The following SRGAP2B variants were observed in gnomAD, a reference collection of about 807,000 sequenced individuals.
SRGAP2B encodes the protein SLIT-ROBO Rho GTPase-activating protein 2B.
SRGAP2B carries 9 observed loss-of-function variants against 22.2 expected under a neutral mutation model. The ratio of observed to expected loss-of-function variants is 0.41; its 90% CI spans 0.24 to 0.71. The LOEUF (loss-of-function observed/expected upper bound fraction) is 0.71. Among genes scored for constraint, SRGAP2B ranks in the 30% least tolerant of loss-of-function variants. The pLI is 0.35. For missense variants in SRGAP2B, 114 were observed against 235.8 expected, an observed-to-expected ratio of 0.48 and a Z score of 3.38; for synonymous variants, 36 against 87.4, an observed-to-expected ratio of 0.41 and a Z score of 3.28.
At chr1:145,058,383 G>A (rs1650630326) in intron 2 of SRGAP2B, among the ~76,000 whole-genome samples, 1 of 144,728 alleles carries the variant, frequency 6.9e-6, no homozygotes, top group Admixed American at 7.0e-5. Context: ...GCCTAGGCGT[G>A]AACAAATTCT....
intron 2 of SRGAP2B, among the ~76,000 whole-genome samples, chr1:145,044,785 G>A (rs1454845511): frequency 7.1e-6 from 1 of 140,094 alleles, no homozygotes; most frequent in East Asian, 2.4e-4. Flanking sequence ...ACTAGGATAT[G>A]AGGGGTAATA....
intron 2 of SRGAP2B, among the ~76,000 whole-genome samples, chr1:145,064,361 C>T (rs1553631992): frequency 6.7e-6 from 1 of 149,176 alleles, no homozygotes. Context: ...GAATCAACAT[C>T]AAGGACTCAT....
Position 145,001,966 on chromosome 1 carries a change from G to A in SRGAP2B, c.68-6766C>T, listed in dbSNP as rs1419189365. Among the ~76,000 whole-genome samples the A allele has an allele frequency of 3.4e-5, 5 of 145,264 alleles. 1 individual carries two copies. Among genetic ancestry groups the A allele is most frequent in the African/African-American group, 1.1e-4 (4 of 37,498 alleles). On this transcript the variant is annotated intron_variant, in intron 2 of 9. Transcript: ENST00000612199. ...GAGCCCAGGAGGTCAAGGCCACAGTGAGCCGTGATTGTGCCACTATACTCC... is the reference window on the plus strand; with the variant it reads ...GAGCCCAGGAGGTCAAGGCCACAGTAAGCCGTGATTGTGCCACTATACTCC...
At position 145,080,162 on chromosome 1, in the gene SRGAP2B, A is replaced by G. The variant is rs1308883388; in HGVS notation, c.67+12673T>C. 1.3e-5 allele frequency among the ~76,000 whole-genome samples: 2 copies of G among 149,836 alleles called. 1 individual carries two copies. Among genetic ancestry groups the G allele is most frequent in the Admixed American group, 1.3e-4 (2 of 15,126 alleles). On this transcript the variant is annotated intron_variant, in intron 2 of 9. Coordinates refer to ENST00000612199, the Ensembl canonical transcript of SRGAP2B. Reference sequence around the variant, plus strand: ...ACCATACAAACCAGTTACAGCAGGGAATCTTCTAACTCTAGAAGTCTCTGA... The same window carrying G: ...ACCATACAAACCAGTTACAGCAGGGGATCTTCTAACTCTAGAAGTCTCTGA...
At chr1:145,090,116 T>G (rs587690945) in intron 2 of SRGAP2B, among the ~76,000 whole-genome samples, 1 of 146,992 alleles carries the variant, frequency 6.8e-6, no homozygotes, top group East Asian at 1.9e-4. Context: ...AAGAGAAGTC[T>G]GGCAGCACCA....
intron 4 of SRGAP2B, among the ~76,000 whole-genome samples, chr1:144,924,515 C>T (rs1553604681): frequency 2.0e-5 from 3 of 149,790 alleles, no homozygotes; most frequent in South Asian, 2.1e-4. Context: ...CCGAGGCGGG[C>T]GGATCACGAG....
intron 2 of SRGAP2B, among the ~76,000 whole-genome samples, chr1:145,012,311 T>C (rs1553622367): frequency 6.8e-6 from 1 of 148,130 alleles, no homozygotes; most frequent in Non-Finnish European, 1.5e-5. Flanking sequence ...TCAAGAGCTG[T>C]TTTTTGGGTG....
intron 3 of SRGAP2B, among the ~76,000 whole-genome samples, chr1:144,978,750 TAG>T (rs1270465155): frequency 2.7e-5 from 4 of 146,208 alleles, no homozygotes; most frequent in Admixed American, 2.7e-4. Context: ...TGTTTTTTGC[TAG>T]AGTGGCTCAA....
At position 144,981,049 on chromosome 1, in the gene SRGAP2B, C is replaced by T. The variant is rs1553615059; in HGVS notation, c.260+13959G>A. The stretch of plus-strand genomic sequence containing the variant: ...CTCTCTCAGCCTGCCCGATTTCCCC[C>T]ATTTCAATTATAAAAACACGTATGG... On this transcript the variant is annotated intron_variant, in intron 3 of 9. Coordinates refer to ENST00000612199, the Ensembl canonical transcript of SRGAP2B. Among the ~76,000 whole-genome samples the T allele has an allele frequency of 1.3e-5, 2 of 149,372 alleles. 1 individual carries two copies. Among genetic ancestry groups the T allele is most frequent in the African/African-American group, 5.1e-5 (2 of 39,600 alleles).
chr1:145,064,744 A>T (rs1382491595), intron 2 of SRGAP2B, among the ~76,000 whole-genome samples: 4 of 150,636 alleles, frequency 2.7e-5, no homozygotes, highest in Non-Finnish European at 5.9e-5. Context: ...CTTATTGAGA[A>T]CAGGAGATAA....
chr1:145,017,771 T>TG (rs1553623480), intron 2 of SRGAP2B, among the ~76,000 whole-genome samples: 2 of 149,484 alleles, frequency 1.3e-5, no homozygotes, highest in Non-Finnish European at 2.9e-5. Flanking sequence ...TTCCCTGTCT[T>TG]TAACAATGAA....
At chr1:145,081,180 T>C (rs1410648137) in intron 2 of SRGAP2B, among the ~76,000 whole-genome samples, 31 of 149,020 alleles carry the variant, frequency 2.1e-4, no homozygotes, top group Non-Finnish European at 2.2e-4. Flanking sequence ...TCAGAGCAAG[T>C]TATTTAACCT....
intron 2 of SRGAP2B, among the ~76,000 whole-genome samples, chr1:144,997,199 C>A (rs1485233993): frequency 6.7e-6 from 1 of 150,306 alleles, no homozygotes; most frequent in Non-Finnish European, 1.5e-5. Context: ...GAGGCCGAGG[C>A]GGGCGGATCA....
chr1:144,951,138 G>A (rs1629765), intron 4 of SRGAP2B, among the ~76,000 whole-genome samples: 1,127 of 110,792 alleles, frequency 0.01, no homozygotes, highest in East Asian at 0.024. Context: ...GTGAGCCACC[G>A]CTCCCAGCCC....
chr1:145,056,952 AACACAC>A (rs199492508), intron 2 of SRGAP2B, among the ~76,000 whole-genome samples: 1,715 of 123,194 alleles, frequency 0.014, 43 homozygotes, highest in South Asian at 0.04. Context: ...AAGGAGATAA[AACACAC>A]ACACACACAC....
intron 2 of SRGAP2B, among the ~76,000 whole-genome samples, chr1:145,023,124 G>A (rs1347324455): frequency 2.7e-5 from 4 of 145,700 alleles, no homozygotes; most frequent in East Asian, 4.0e-4. Flanking sequence ...CAGAGATCGC[G>A]CCACTGCACT....
At chr1:144,920,085 G>C (rs1208362760) in intron 4 of SRGAP2B, among the ~76,000 whole-genome samples, 2 of 150,690 alleles carry the variant, frequency 1.3e-5, no homozygotes, top group Non-Finnish European at 2.9e-5. Context: ...CAATCCTTTA[G>C]CTAGACACAG....
At chr1:145,068,650 C>T (rs1651771831) in intron 2 of SRGAP2B, among the ~76,000 whole-genome samples, 1 of 121,064 alleles carries the variant, frequency 8.3e-6, no homozygotes, top group East Asian at 2.3e-4. Flanking sequence ...CAAAAACATG[C>T]TGTCATTTTC....
intron 4 of SRGAP2B, among the ~76,000 whole-genome samples, chr1:144,928,407 A>G (rs1450290307): frequency 2.2e-5 from 1 of 46,294 alleles, no homozygotes; most frequent in East Asian, 5.4e-4. Flanking sequence ...CTTTTTGGTT[A>G]TTTATTTATT....
Sources: gnomAD v4.1 joint callset for allele counts (sites outside exome capture counted in the v4.1 genomes callset) on GRCh38, gnomAD v4.1.1 for gene constraint, MANE v1.5 for transcripts, NCBI Gene and HGNC (gene_info 2026-07-23, HGNC 2026-07-21) for gene names.